The following ZNF423 variants were observed in gnomAD, a reference collection of about 807,000 sequenced individuals.
ZNF423 encodes the protein Ebf-associated zinc finger protein.
In ZNF423, 12 loss-of-function variants were observed where a neutral mutation model predicts 95.8. The observed-to-expected ratio is 0.13, with a 90% CI of 0.08 to 0.20. The LOEUF is 0.20. Ranked by LOEUF, ZNF423 falls within the 10% of genes least tolerant of loss-of-function variation. The pLI is 1.00. For missense variants in ZNF423, 1,316 were observed against 1,737.1 expected (o/e 0.76, Z 4.31); for synonymous variants, 749 against 711.9 (o/e 1.05, Z -0.83).
intron 1 of ZNF423, among the ~76,000 whole-genome samples, chr16:49,852,149 A>C (rs1225167352): frequency 6.6e-6 from 1 of 152,120 alleles, no homozygotes; most frequent in Non-Finnish European, 1.5e-5. Context: ...CAAATTTATA[A>C]GATGGACTTA....
intron 3 of ZNF423, among the ~76,000 whole-genome samples, chr16:49,641,502 A>AAGTCTCAGCAACTGATGTGTGGAGG (rs1383128424): frequency 1.2e-4 from 19 of 152,224 alleles, no homozygotes; most frequent in Non-Finnish European, 2.4e-4. Flanking sequence ...ATGTGTGGAG[A>AAGTCTCAGCAACTGATGTGTGGAGG]AGTCTCAACA....
intron 5 of ZNF423, among the ~76,000 whole-genome samples, chr16:49,574,243 T>A (rs965997233): frequency 7.9e-5 from 12 of 152,168 alleles, no homozygotes; most frequent in African/African-American, 2.9e-4. Flanking sequence ...AAATTAGCCA[T>A]GCATGGTGGT....
intron 4 of ZNF423, among the ~76,000 whole-genome samples, chr16:49,629,320 TC>T (rs1230268801): frequency 6.6e-6 from 1 of 152,208 alleles, no homozygotes; most frequent in Non-Finnish European, 1.5e-5. Flanking sequence ...AAATTTCAAC[TC>T]CATTTATACT....
At chr16:49,800,856 C>A (rs563625338) in intron 1 of ZNF423, among the ~76,000 whole-genome samples, 1 of 152,292 alleles carries the variant, frequency 6.6e-6, no homozygotes, top group Middle Eastern at 3.4e-3. Context: ...ATGGCTTCAG[C>A]TCAAAGGCAA....
intron 5 of ZNF423, among the ~76,000 whole-genome samples, chr16:49,625,917 G>A (rs1156952183): frequency 1.3e-5 from 2 of 152,162 alleles, no homozygotes; most frequent in African/African-American, 2.4e-5. Context: ...TTTCAGAAAC[G>A]GAGGGAAATT....
chr16:49,831,859 G>A (rs947032843), intron 1 of ZNF423, among the ~76,000 whole-genome samples: 3 of 152,086 alleles, frequency 2.0e-5, no homozygotes, highest in Admixed American at 6.6e-5. Context: ...AAATTAGCCA[G>A]GCATGGTGGG....
At chr16:49,760,284 T>C (rs1448317693) in intron 2 of ZNF423, among the ~76,000 whole-genome samples, 1 of 116,456 alleles carries the variant, frequency 8.6e-6, no homozygotes, top group East Asian at 2.7e-4. Context: ...AATGGGTGGA[T>C]GGGTTGATGA....
chr16:49,792,461 T>C (rs2034431961), intron 1 of ZNF423, among the ~76,000 whole-genome samples: 1 of 152,168 alleles, frequency 6.6e-6, no homozygotes, highest in African/African-American at 2.4e-5. Flanking sequence ...AGTGGCCCAG[T>C]GCTAACTGGC....
intron 5 of ZNF423, among the ~76,000 whole-genome samples, chr16:49,611,481 G>A (rs949656020): frequency 3.9e-5 from 6 of 151,926 alleles, no homozygotes; most frequent in Non-Finnish European, 5.9e-5. Context: ...GTCAAAATTC[G>A]TGGGACACAG....
intron 5 of ZNF423, among the ~76,000 whole-genome samples, chr16:49,617,436 G>T (rs544518322): frequency 6.6e-6 from 1 of 152,318 alleles, no homozygotes; most frequent in East Asian, 1.9e-4. Context: ...ATCAAAGGAT[G>T]CTCAACAAAG....
In ZNF423 at chr16:49,558,156, C is replaced by T. The variant is rs372776405; in HGVS notation, c.3602-32662G>A. Among the ~76,000 whole-genome samples, 8 of 152,300 alleles carry T rather than the reference C, an allele frequency of 5.3e-5. No homozygotes were observed. In the East Asian group the frequency reaches 9.7e-4, roughly 18 times the overall value. ...CTGGTGGTTAACTCTCCAGGGCAGGCGTTCATAACTTGGACCTGTGGATGG... is the reference window on the plus strand; with the variant it reads ...CTGGTGGTTAACTCTCCAGGGCAGGTGTTCATAACTTGGACCTGTGGATGG... On this transcript the variant is annotated intron_variant, in intron 5 of 7. Transcript: ENST00000563137.
chr16:49,584,809 T>C (rs898920841), intron 5 of ZNF423, among the ~76,000 whole-genome samples: 1 of 152,244 alleles, frequency 6.6e-6, no homozygotes, highest in African/African-American at 2.4e-5. Flanking sequence ...ATTACCTATG[T>C]AACAATATGT....
chr16:49,726,786 G>A (rs760629991), intron 3 of ZNF423, among the ~76,000 whole-genome samples: 36 of 143,158 alleles, frequency 2.5e-4, no homozygotes, highest in Non-Finnish European at 4.6e-4. Flanking sequence ...TTCAGAGTAT[G>A]GACACAGTAC....
At chr16:49,803,099 TA>T (rs915405596) in intron 1 of ZNF423, among the ~76,000 whole-genome samples, 23 of 146,820 alleles carry the variant, frequency 1.6e-4, no homozygotes, top group Admixed American at 5.5e-4. Flanking sequence ...TACAGAAAAA[TA>T]AAAAAAAAAT....
At chr16:49,828,836 C>A (rs1410065742) in intron 1 of ZNF423, among the ~76,000 whole-genome samples, 2 of 152,238 alleles carry the variant, frequency 1.3e-5, no homozygotes, top group Non-Finnish European at 2.9e-5. Context: ...GAGGCTCTTT[C>A]TCTACCCCCA....
At chr16:49,714,345 C>A (rs565036721) in intron 3 of ZNF423, among the ~76,000 whole-genome samples, 1 of 152,164 alleles carries the variant, frequency 6.6e-6, no homozygotes, top group Non-Finnish European at 1.5e-5. Flanking sequence ...GGGCCTAGTA[C>A]ATACTAGGAG....
intron 3 of ZNF423, among the ~76,000 whole-genome samples, chr16:49,651,049 C>A (rs1253115250): frequency 1.3e-5 from 2 of 151,512 alleles, no homozygotes; most frequent in African/African-American, 4.9e-5. Flanking sequence ...GAGACAGGGT[C>A]TCCCTCTGTC....
chr16:49,750,894 GAGC>G (rs1332222320), intron 2 of ZNF423, among the ~76,000 whole-genome samples: 1 of 152,164 alleles, frequency 6.6e-6, no homozygotes, highest in Non-Finnish European at 1.5e-5. Context: ...CAGTGATGGG[GAGC>G]AGCAAGCACA....
At chr16:49,857,873 G>T (rs1308388305), upstream of ZNF423, 1 of 152,264 alleles carries the variant, frequency 6.6e-6, no homozygotes, top group Non-Finnish European at 1.5e-5. This position sits in a 1 kb window ranked among gnomAD's most constrained non-coding sequence, Gnocchi z 6.2. Flanking sequence ...AACCGGCTGA[G>T]ACTCTGGTCT....
Sources: gnomAD v4.1 joint callset for allele counts (sites outside exome capture counted in the v4.1 genomes callset) on GRCh38, gnomAD v4.1.1 for gene constraint, Gnocchi (gnomAD v3.1) non-coding constraint, MANE v1.5 for transcripts, NCBI Gene and HGNC (gene_info 2026-07-23, HGNC 2026-07-21) for gene names.